The following GRM5 variants were observed in gnomAD, a reference collection of about 807,000 sequenced individuals.
GRM5 encodes the protein glutamate metabotropic receptor 5.
Under a neutral mutation model 83.1 loss-of-function variants are expected in GRM5, and 19 were observed. The observed-to-expected ratio is 0.23, with a 90% CI of 0.16 to 0.34. The LOEUF (loss-of-function observed/expected upper bound fraction) is 0.34, where lower values mean the gene tolerates loss of function less well. Ranked by LOEUF, GRM5 falls within the 10% of genes least tolerant of loss-of-function variation. GRM5 has a pLI of 1.00. For synonymous variants in GRM5, 675 were observed against 633.6 expected (o/e 1.07, Z -0.98); for missense variants, 1,160 against 1,588.3 (o/e 0.73, Z 4.58).
Position 88,508,571 on chromosome 11 carries a change from C to A in GRM5, c.*21G>T. The A allele has an allele frequency of 6.3e-7, 1 of 1,591,092 alleles. No individual in the cohort carries two copies. Among genetic ancestry groups the A allele is most frequent in the South Asian group, 1.1e-5 (1 of 90,492 alleles). On this transcript the variant is annotated 3_prime_UTR_variant, in exon 10 of 10. Coordinates refer to ENST00000305447, the MANE Select transcript of GRM5 (RefSeq NM_001143831.3). The surrounding 1 kb of genome is among the most constrained non-coding windows in gnomAD (Gnocchi z 4.2). ...GGGGCTCCGCTCCGCACGCGCAGGC[C>A]GGCGTGCTTTCCAGGGACATTCACA...
chr11:88,616,142 G>A (rs923574791), intron 4 of GRM5, among the ~76,000 whole-genome samples: 3 of 152,006 alleles, frequency 2.0e-5, no homozygotes, highest in Admixed American at 1.3e-4. Flanking sequence ...TACTAACAAA[G>A]CATTTGATAA....
At chr11:88,610,121 T>C (rs1938272880) in intron 4 of GRM5, among the ~76,000 whole-genome samples, 1 of 152,188 alleles carries the variant, frequency 6.6e-6, no homozygotes, top group South Asian at 2.1e-4. Flanking sequence ...TACCATGCTG[T>C]TTGGGTTGCT....
At chr11:88,660,141 C>G (rs1015425897) in intron 3 of GRM5, among the ~76,000 whole-genome samples, 2 of 152,176 alleles carry the variant, frequency 1.3e-5, no homozygotes, top group African/African-American at 4.8e-5. Flanking sequence ...TGCCAGCTTC[C>G]AGTCCATTGG....
At chr11:88,649,996 G>T (rs72956719) in intron 4 of GRM5, among the ~76,000 whole-genome samples, 9,096 of 151,726 alleles carry the variant, frequency 0.06, 255 homozygotes, top group Middle Eastern at 0.071. Context: ...TTCTGAAGGG[G>T]TATATAGATT....
intron 4 of GRM5, among the ~76,000 whole-genome samples, chr11:88,614,323 A>G (rs1938410588): frequency 6.6e-6 from 1 of 152,194 alleles, no homozygotes; most frequent in Non-Finnish European, 1.5e-5. Context: ...ATGTTATAGA[A>G]AAGTCATAGG....
chr11:88,684,381 T>G (rs1476191499), intron 3 of GRM5, among the ~76,000 whole-genome samples: 13 of 152,186 alleles, frequency 8.5e-5, no homozygotes, highest in Non-Finnish European at 1.3e-4. Context: ...AGAGGATCAA[T>G]TAGGAATCTA....
In GRM5 at chr11:88,747,178, C is replaced by T. The variant is rs140577852; in HGVS notation, c.912-93775G>A. On this transcript the variant is annotated intron_variant, in intron 3 of 9. Transcript: ENST00000305447. ...CTGGTTTCCCATTTTCTGGTAGTGA[C>T]GAGTTAAGGCTTCAAAACTGTTTCC... Among the ~76,000 whole-genome samples, 120 of 152,230 alleles carry T rather than the reference C, an allele frequency of 7.9e-4. 2 individuals carry two copies. Among genetic ancestry groups the T allele is most frequent in the African/African-American group, 2.6e-3 (109 of 41,556 alleles).
At chr11:88,844,825 G>T (rs1420766540) in intron 3 of GRM5, among the ~76,000 whole-genome samples, 1 of 152,174 alleles carries the variant, frequency 6.6e-6, no homozygotes, top group Non-Finnish European at 1.5e-5. Flanking sequence ...AGTGAAAAGA[G>T]CAGGAGAACT....
intron 3 of GRM5, among the ~76,000 whole-genome samples, chr11:88,681,106 T>C (rs1344726362): frequency 9.8e-6 from 1 of 102,534 alleles, no homozygotes; most frequent in African/African-American, 3.2e-5. Flanking sequence ...TCAGAACTCT[T>C]GTCAGTATTT....
intron 2 of GRM5, among the ~76,000 whole-genome samples, chr11:88,920,827 T>C (rs1274393988): frequency 6.6e-6 from 1 of 152,178 alleles, no homozygotes; most frequent in Admixed American, 6.6e-5. Flanking sequence ...CCTTGTTCTC[T>C]GAGAGCCCAG....
intron 2 of GRM5, among the ~76,000 whole-genome samples, chr11:89,011,784 G>A (rs989973321): frequency 2.0e-5 from 3 of 152,140 alleles, no homozygotes; most frequent in African/African-American, 7.2e-5. Flanking sequence ...ATTATTTTAT[G>A]TAACCTTCAT....
intron 2 of GRM5, among the ~76,000 whole-genome samples, chr11:88,946,967 C>A (rs1938301580): frequency 6.6e-6 from 1 of 152,020 alleles, no homozygotes; most frequent in Admixed American, 6.6e-5. Flanking sequence ...GAATGTTTAC[C>A]TATGGGGAAA....
chr11:88,564,279 C>CA (rs557716280), intron 8 of GRM5, among the ~76,000 whole-genome samples: 4 of 152,166 alleles, frequency 2.6e-5, no homozygotes, highest in Non-Finnish European at 4.4e-5. Flanking sequence ...GCACAGATTT[C>CA]AAAAAAACTA....
chr11:88,539,353 AC>A (rs1942211812), intron 8 of GRM5, among the ~76,000 whole-genome samples: 1 of 152,130 alleles, frequency 6.6e-6, no homozygotes, highest in Non-Finnish European at 1.5e-5. Context: ...TTTGCCTTTG[AC>A]CCATAAGGGA....
chr11:88,875,085 T>G (rs1364185632), intron 2 of GRM5, among the ~76,000 whole-genome samples: 1 of 151,306 alleles, frequency 6.6e-6, no homozygotes, highest in African/African-American at 2.4e-5. Flanking sequence ...ATTGACTGTT[T>G]TTTTTTTTTC....
intron 2 of GRM5, among the ~76,000 whole-genome samples, chr11:88,944,182 G>A (rs1039711848): frequency 1.3e-5 from 2 of 151,872 alleles, no homozygotes; most frequent in Non-Finnish European, 2.9e-5. Context: ...TGATGTAGAC[G>A]CAAACAGGCT....
chr11:88,940,315 G>GT (rs1005215672), intron 2 of GRM5, among the ~76,000 whole-genome samples: 1,402 of 131,564 alleles, frequency 0.011, 14 homozygotes, highest in African/African-American at 0.027. Flanking sequence ...CAGGTTCATG[G>GT]TTTTTTTTTT....
chr11:88,917,771 T>C (rs1225407915), intron 2 of GRM5, among the ~76,000 whole-genome samples: 1 of 152,016 alleles, frequency 6.6e-6, no homozygotes, highest in Non-Finnish European at 1.5e-5. Context: ...GAACAGGCTA[T>C]TTGAAAACAC....
chr11:88,986,649 T>A (rs955516776), intron 2 of GRM5, among the ~76,000 whole-genome samples: 1 of 151,950 alleles, frequency 6.6e-6, no homozygotes, highest in Non-Finnish European at 1.5e-5. Flanking sequence ...AAGCCATAGG[T>A]TGCCTTTTTA....
Sources: allele counts gnomAD v4.1 joint callset (sites outside exome capture counted in the v4.1 genomes callset), GRCh38; gene constraint gnomAD v4.1.1; non-coding constraint Gnocchi (gnomAD v3.1); transcripts MANE v1.5; gene names NCBI Gene and HGNC (gene_info 2026-07-23, HGNC 2026-07-21).